Variants in CSMD1 observed in about 807,000 individuals in gnomAD.
CSMD1 encodes the protein CUB and sushi domain-containing protein 1.
In CSMD1, 213 loss-of-function variants were observed where a neutral mutation model predicts 417.5. That is an observed-to-expected ratio of 0.51 (90% CI 0.46 to 0.57). The LOEUF (loss-of-function observed/expected upper bound fraction) is 0.57. Ranked by LOEUF, CSMD1 falls within the 20% of genes least tolerant of loss-of-function variation. The pLI is 0.00. For synonymous variants in CSMD1, 2,862 were observed against 1,736.8 expected (o/e 1.65, Z -16.11); for missense variants, 6,923 against 4,529.7 (o/e 1.53, Z -15.17).
intron 54 of CSMD1, among the ~76,000 whole-genome samples, chr8:2,994,265 G>A (rs1281333229): frequency 6.6e-6 from 1 of 151,738 alleles, no homozygotes; most frequent in Non-Finnish European, 1.5e-5. Context: ...GACCTCGTGT[G>A]TACTGATTGC....
chr8:3,759,872 G>A (rs1388872101), intron 5 of CSMD1, among the ~76,000 whole-genome samples: 1 of 140,504 alleles, frequency 7.1e-6, no homozygotes, highest in African/African-American at 2.7e-5. Flanking sequence ...TTGCACTGTT[G>A]CACTCTAGCC....
chr8:3,257,645 G>A (rs1348613170), intron 26 of CSMD1, among the ~76,000 whole-genome samples: 1 of 152,234 alleles, frequency 6.6e-6, no homozygotes, highest in Non-Finnish European at 1.5e-5. Context: ...AGCCTTGCGG[G>A]TACCTGGGGC....
intron 23 of CSMD1, among the ~76,000 whole-genome samples, chr8:3,311,966 A>G (rs531658717): frequency 6.6e-6 from 1 of 152,334 alleles, no homozygotes; most frequent in African/African-American, 2.4e-5. Context: ...AAAGACTTCA[A>G]TCAAAAAAGG....
intron 5 of CSMD1, among the ~76,000 whole-genome samples, chr8:3,887,057 C>G (rs1274381134): frequency 6.6e-6 from 1 of 152,152 alleles, no homozygotes; most frequent in Non-Finnish European, 1.5e-5. Flanking sequence ...ATTTTCCCAC[C>G]TACACATCAA....
chr8:4,039,130 G>A (rs1397102520), intron 3 of CSMD1, among the ~76,000 whole-genome samples: 1 of 152,134 alleles, frequency 6.6e-6, no homozygotes, highest in Non-Finnish European at 1.5e-5. Flanking sequence ...CAAAGCAACG[G>A]CAGCATTTTC....
intron 5 of CSMD1, among the ~76,000 whole-genome samples, chr8:3,830,249 G>C (rs1317247843): frequency 6.6e-6 from 1 of 152,210 alleles, no homozygotes; most frequent in Non-Finnish European, 1.5e-5. Context: ...ATACATGATA[G>C]AGCAAAAATC....
At chr8:3,464,521 A>G (rs1314170766) in intron 12 of CSMD1, among the ~76,000 whole-genome samples, 1 of 151,230 alleles carries the variant, frequency 6.6e-6, no homozygotes, top group African/African-American at 2.4e-5. Context: ...CTTTTCTTAT[A>G]TAGTATTCTG....
intron 1 of CSMD1, 94 bp from the exon 2 acceptor site, chr8:4,637,652 T>A: frequency 4.0e-6 from 1 of 251,762 alleles, no homozygotes; most frequent in East Asian, 6.1e-5. Context: ...CAATTTTTTT[T>A]TTTTTTTTTT....
intron 5 of CSMD1, among the ~76,000 whole-genome samples, chr8:3,934,565 G>T (rs1203983677): frequency 2.6e-5 from 4 of 152,112 alleles, no homozygotes; most frequent in African/African-American, 9.7e-5. Context: ...TAAACAATTG[G>T]TATATTTGGC....
At chr8:3,221,519 C>T (rs920772558) in intron 28 of CSMD1, among the ~76,000 whole-genome samples, 2 of 139,200 alleles carry the variant, frequency 1.4e-5, no homozygotes, top group Non-Finnish European at 3.1e-5. Flanking sequence ...CAAATACTGC[C>T]AGACACAGGA....
intron 3 of CSMD1, among the ~76,000 whole-genome samples, chr8:4,312,383 A>ATGCGTG (rs1798663908): frequency 1.5e-5 from 1 of 67,158 alleles, no homozygotes; most frequent in African/African-American, 5.2e-5. Context: ...ACAAATATAT[A>ATGCGTG]TATATATATA....
intron 5 of CSMD1, among the ~76,000 whole-genome samples, chr8:3,925,027 A>G (rs1340517812): frequency 6.6e-6 from 1 of 152,114 alleles, no homozygotes; most frequent in Non-Finnish European, 1.5e-5. Flanking sequence ...TTAAATAGTT[A>G]TCCTGCCTAG....
chr8:4,047,399 T>G (rs1170303066), intron 3 of CSMD1, among the ~76,000 whole-genome samples: 1 of 152,120 alleles, frequency 6.6e-6, no homozygotes, highest in Admixed American at 6.5e-5. Flanking sequence ...ACTCAGGAAA[T>G]ATTGCGGAAA....
chr8:3,467,720 G>T (rs1457066433), intron 12 of CSMD1, among the ~76,000 whole-genome samples: 1 of 152,122 alleles, frequency 6.6e-6, no homozygotes, highest in Non-Finnish European at 1.5e-5. Flanking sequence ...GAGCAGCCAA[G>T]GTGTGGCGTG....
intron 7 of CSMD1, among the ~76,000 whole-genome samples, chr8:3,689,890 A>G (rs547627415): frequency 6.6e-6 from 1 of 152,362 alleles, no homozygotes; most frequent in South Asian, 2.1e-4. Flanking sequence ...TCATAGGGAT[A>G]TTGATTCAAA....
chr8:3,562,993 A>G (rs1400389930), intron 10 of CSMD1, among the ~76,000 whole-genome samples: 1 of 152,144 alleles, frequency 6.6e-6, no homozygotes, highest in African/African-American at 2.4e-5. Flanking sequence ...ACTCTTCACA[A>G]GATAATATGA....
rs1352066004 is a variant in CSMD1, at chr8:4,857,508, A to G, written c.85+136824T>C. ...TTTTTTGAAAGGATCAACAAAATTG[A>G]TAGACCGCTAGCAAGACTAATGAAA... On this transcript the variant is annotated intron_variant, in intron 1 of 69. Coordinates refer to ENST00000635120, the MANE Select transcript of CSMD1 (RefSeq NM_033225.6). 2.6e-5 allele frequency among the ~76,000 whole-genome samples: 4 copies of G among 152,358 alleles called. No homozygotes were observed. The East Asian group carries it at 7.7e-4, about 29-fold the overall frequency.
chr8:3,886,096 G>A (rs2129124216), intron 5 of CSMD1, among the ~76,000 whole-genome samples: 1 of 151,986 alleles, frequency 6.6e-6, no homozygotes, highest in East Asian at 1.9e-4. Context: ...TGTCGCCTAT[G>A]CTGGAGCACA....
chr8:4,233,498 C>T (rs371596824), intron 3 of CSMD1, among the ~76,000 whole-genome samples: 234 of 152,226 alleles, frequency 1.5e-3, no homozygotes, highest in African/African-American at 5.3e-3. Flanking sequence ...CTTTCATGAA[C>T]GGGATTAGTG....
Sources: gnomAD v4.1 joint callset for allele counts (sites outside exome capture counted in the v4.1 genomes callset) on GRCh38, gnomAD v4.1.1 for gene constraint, MANE v1.5 for transcripts, NCBI Gene and HGNC (gene_info 2026-07-23, HGNC 2026-07-21) for gene names.